COL11A1: variants seen among roughly 807,000 people sequenced by gnomAD.
The protein encoded by COL11A1 is collagen type XI alpha 1 chain.
In COL11A1, 74 loss-of-function variants were observed where a neutral mutation model predicts 265.2. The observed-to-expected ratio is 0.28, with a 90% CI of 0.23 to 0.34. The LOEUF is 0.34. Among genes scored for constraint, COL11A1 ranks in the 10% least tolerant of loss-of-function variants. COL11A1 has a pLI of 1.00. For missense variants in COL11A1, 2,165 were observed against 2,263.6 expected (o/e 0.96, Z 0.88); for synonymous variants, 816 against 727.6 (o/e 1.12, Z -1.96).
chr1:102,900,599 A>T (rs1274410589), intron 54 of COL11A1, among the ~76,000 whole-genome samples: 1 of 152,172 alleles, frequency 6.6e-6, no homozygotes, highest in Non-Finnish European at 1.5e-5. Context: ...AGTAGAAAAG[A>T]TATATCAATA....
At chr1:102,893,195 T>C (rs562292379) in intron 57 of COL11A1, among the ~76,000 whole-genome samples, 2 of 152,248 alleles carry the variant, frequency 1.3e-5, no homozygotes, top group Admixed American at 1.3e-4. Flanking sequence ...AAAGCTAAAA[T>C]GGCAAGAAAA....
chr1:102,967,402 G>T (rs1402908640), intron 37 of COL11A1, among the ~76,000 whole-genome samples: 2 of 151,500 alleles, frequency 1.3e-5, no homozygotes, highest in Non-Finnish European at 2.9e-5. Context: ...CACCAAGCCC[G>T]GCTAATTTTT....
At chr1:102,988,444 C>T (rs752256113) in intron 29 of COL11A1, among the ~76,000 whole-genome samples, 2 of 152,116 alleles carry the variant, frequency 1.3e-5, no homozygotes, top group East Asian at 3.9e-4. Flanking sequence ...TTGCAATTCC[C>T]CTGTCTGGAT....
intron 57 of COL11A1, among the ~76,000 whole-genome samples, chr1:102,894,074 T>A (rs891436687): frequency 6.6e-6 from 1 of 152,048 alleles, no homozygotes; most frequent in Non-Finnish European, 1.5e-5. Context: ...ACAAATAGAG[T>A]CTTAAAAGAA....
At chr1:102,990,464 G>A in intron 28 of COL11A1, among the ~76,000 whole-genome samples, 1 of 151,646 alleles carries the variant, frequency 6.6e-6, no homozygotes. Flanking sequence ...AGGTAGAATT[G>A]CTAATTGTAG....
intron 31 of COL11A1, among the ~76,000 whole-genome samples, chr1:102,980,359 T>C (rs1485025906): frequency 6.6e-6 from 1 of 152,118 alleles, no homozygotes; most frequent in African/African-American, 2.4e-5. Context: ...ATCTTGCACA[T>C]ATATCTAAAT....
At chr1:103,066,680 A>T (rs1671177994) in intron 4 of COL11A1, among the ~76,000 whole-genome samples, 1 of 151,900 alleles carries the variant, frequency 6.6e-6, no homozygotes, top group Admixed American at 6.6e-5. Flanking sequence ...CAAATCAATG[A>T]CATTTAGCAT....
chr1:103,050,508 T>A (rs909282741), intron 4 of COL11A1, among the ~76,000 whole-genome samples: 1 of 152,186 alleles, frequency 6.6e-6, no homozygotes, highest in Non-Finnish European at 1.5e-5. Context: ...TCGTCTAATT[T>A]TTTTTCAAAG....
intron 11 of COL11A1, among the ~76,000 whole-genome samples, chr1:103,017,374 G>T (rs114005540): frequency 0.018 from 2,692 of 152,166 alleles, 88 homozygotes; most frequent in African/African-American, 0.062. Flanking sequence ...AAAAGGGAAG[G>T]TTATTTTATG....
At chr1:102,934,136 C>G (rs988467134) in intron 46 of COL11A1, among the ~76,000 whole-genome samples, 2 of 152,086 alleles carry the variant, frequency 1.3e-5, no homozygotes, top group Admixed American at 6.5e-5. Context: ...AAGTATCAGA[C>G]TTAGGCAAGG....
chr1:102,917,532 T>G (rs1251267395), intron 49 of COL11A1, among the ~76,000 whole-genome samples: 2 of 151,710 alleles, frequency 1.3e-5, no homozygotes, highest in Admixed American at 6.6e-5. Flanking sequence ...GCAAAAGAAA[T>G]AACCAAAATG....
In COL11A1 at chr1:102,984,174, T is replaced by C. The variant is rs942911563; in HGVS notation, c.2520A>G (p.Pro840=). The C allele has an allele frequency of 3.8e-6, 6 of 1,599,346 alleles. No individual in the cohort carries two copies. The Admixed American group carries it at 6.7e-5, about 18-fold the overall frequency. ...GTCTTCCTGGATATCCTGGTAATCC[T>C]GGAACTCCAAGTTTTCCCTACAGTT... ...QAGEKGKLGV[P]GLPGYPGRQG... The change falls in exon 31 of 67, where the codon CCA becomes CCG. Residue 840 remains proline (P), a synonymous_variant. Coordinates refer to ENST00000370096, the MANE Select transcript of COL11A1 (RefSeq NM_001854.4).
At chr1:103,101,743 A>G (rs1335934912) in intron 1 of COL11A1, among the ~76,000 whole-genome samples, 1 of 145,462 alleles carries the variant, frequency 6.9e-6, no homozygotes, top group East Asian at 2.0e-4. Context: ...CTTTTTAAGA[A>G]AAAAAAAAAA....
At chr1:103,051,723 T>C (rs752212694) in intron 4 of COL11A1, among the ~76,000 whole-genome samples, 9 of 152,304 alleles carry the variant, frequency 5.9e-5, no homozygotes, top group South Asian at 2.1e-4. Context: ...ACTGGAGCTG[T>C]TCCCATTTGG....
chr1:102,957,634 A>G (rs776633541), intron 41 of COL11A1, among the ~76,000 whole-genome samples: 1 of 152,096 alleles, frequency 6.6e-6, no homozygotes, highest in Non-Finnish European at 1.5e-5. Flanking sequence ...GTTATAGAGA[A>G]TATGTAGTAA....
intron 4 of COL11A1, among the ~76,000 whole-genome samples, chr1:103,059,413 A>T (rs1452751675): frequency 7.1e-6 from 1 of 141,546 alleles, no homozygotes; most frequent in Non-Finnish European, 1.5e-5. Context: ...AGGGCTTATT[A>T]AAAAAAAACA....
intron 35 of COL11A1, among the ~76,000 whole-genome samples, chr1:102,976,229 CA>C (rs1662450106): frequency 7.0e-6 from 1 of 142,602 alleles, no homozygotes; most frequent in East Asian, 2.2e-4. Context: ...TTCCAAAAAT[CA>C]TTACTTTAAA....
Position 103,042,918 on chromosome 1 carries a change from G to A in COL11A1, c.652-11674C>T, listed in dbSNP as rs550153249. On this transcript the variant is annotated intron_variant, in intron 4 of 66. Transcript: ENST00000370096. Reference sequence around the variant, plus strand: ...GACCTAATATAGAAATTGGTATCATGTATATAAATATATATATATATGAAA... The same window carrying A: ...GACCTAATATAGAAATTGGTATCATATATATAAATATATATATATATGAAA... Among the ~76,000 whole-genome samples, 20 of 147,494 alleles carry A rather than the reference G, an allele frequency of 1.4e-4. No individual in the cohort carries two copies. In the South Asian group the frequency reaches 4.2e-3, roughly 31 times the overall value.
intron 46 of COL11A1, among the ~76,000 whole-genome samples, chr1:102,924,586 G>A (rs547645065): frequency 6.6e-6 from 1 of 152,058 alleles, no homozygotes; most frequent in Non-Finnish European, 1.5e-5. Context: ...ACTAGCAGAG[G>A]AGCAATCAAA....
Sources: allele counts gnomAD v4.1 joint callset (sites outside exome capture counted in the v4.1 genomes callset), GRCh38; gene constraint gnomAD v4.1.1; transcripts MANE v1.5; gene names NCBI Gene and HGNC (gene_info 2026-07-23, HGNC 2026-07-21).